Variants in HCAR1 observed in about 807,000 individuals in gnomAD.
HCAR1 encodes G protein-coupled receptor 104.
For missense variants in HCAR1, 445 were observed against 448.7 expected (o/e 0.99, Z 0.07); for synonymous variants, 183 against 182.1 (o/e 1.01, Z -0.04).
chr12:122,728,508 C>T lies in HCAR1; in HGVS notation c.*791G>A, dbSNP rs1001559176. The T allele has an allele frequency of 3.3e-5, 5 of 152,308 alleles. No individual in the cohort carries two copies. The highest frequency in any genetic ancestry group is 1.9e-4 in the East Asian group (1 of 5,178). The allele number at this position is 152,308 out of a possible 1,614,324, so 9.4% of individuals were successfully genotyped here. A position where few individuals can be genotyped will look rare whatever the true frequency, so the allele number is the denominator to read the frequency against. ...AGATCCCAATCTAAAGAGCCTCATT[C>T]GGCCTGAAATAAAGCATTGATTGAC... On this transcript the variant is annotated 3_prime_UTR_variant, in exon 1 of 1. Coordinates refer to ENST00000432564, the MANE Select transcript of HCAR1 (RefSeq NM_032554.4).
rs1877885882 is a variant in HCAR1, at chr12:122,729,688, C to T, written c.652G>A (p.Ala218Thr). The change falls in exon 1 of 1, where the codon GCG becomes ACG. Residue 218 changes from alanine to threonine, a missense_variant. Physicochemically the swap from Ala to Thr is moderately conservative, Grantham distance 58. Transcript: ENST00000432564. ...GCCACCACCATGATGAACCGGGTCG[C>T]CTTCTTCATCCGAGCCTGTCTGGCC... is the stretch of plus-strand genomic sequence containing the variant. Reference protein sequence around the residue: ...QLARQARMKKATRFIMVVAIV... With the variant: ...QLARQARMKKTTRFIMVVAIV... The T allele has an allele frequency of 1.2e-6, 2 of 1,613,840 alleles. No homozygotes were observed. Among genetic ancestry groups the T allele is most frequent in the Non-Finnish European group, 1.7e-6 (2 of 1,180,026 alleles).
chr12:122,729,903 C>T lies in HCAR1; in HGVS notation c.437G>A (p.Gly146Glu). ...VCTLWALVIL[G>E]TVYLLLENHL... ...GTTCTCCAGCAAAAGATACACTGTT[C>T]CCAGGATGACCAGGGCCCACAGGGT... The change falls in exon 1 of 1, where the codon GGA becomes GAA. Residue 146 changes from glycine to glutamate, a missense_variant. Coordinates refer to ENST00000432564, the MANE Select transcript of HCAR1 (RefSeq NM_032554.4). 6.2e-7 allele frequency: 1 copy of T among 1,612,364 alleles called. No individual in the cohort carries two copies. Among genetic ancestry groups the T allele is most frequent in the Non-Finnish European group, 8.5e-7 (1 of 1,178,822 alleles).
At position 122,729,077 on chromosome 12, in the gene HCAR1, A is replaced by C; in HGVS notation, c.*222T>G. 2 of 579,002 alleles carry C rather than the reference A, an allele frequency of 3.5e-6. No individual in the cohort carries two copies. Among genetic ancestry groups the C allele is most frequent in the South Asian group, 4.2e-5 (2 of 48,182 alleles). The allele number at this position is 579,002 out of a possible 1,614,324, so 35.9% of individuals were successfully genotyped here. ...CATTCTGTCCCCTGCCATTGTGATC[A>C]GATAAGAAAATGCAGCCAACTCACT... On this transcript the variant is annotated 3_prime_UTR_variant, in exon 1 of 1. Transcript: ENST00000432564.
In HCAR1 at chr12:122,729,258, A is replaced by T; in HGVS notation, c.*41T>A. On this transcript the variant is annotated 3_prime_UTR_variant, in exon 1 of 1. Transcript: ENST00000432564. ...GACCCCTTAGCACGAGTTAATTCTA[A>T]GTCACCACTCTATCTTCCTCAGTGT... 1 of 1,579,804 alleles carries T rather than the reference A, an allele frequency of 6.3e-7. No homozygotes were observed. Among genetic ancestry groups the T allele is most frequent in the East Asian group, 2.2e-5 (1 of 44,534 alleles).
rs1877914178 is a variant in HCAR1 at position 122,730,292 on chromosome 12, C to T, written c.48G>A (p.Gln16=). Residue 16 remains glutamine (Q), a synonymous_variant, in exon 1 of 1, where the codon CAG becomes CAA. Coordinates refer to ENST00000432564, the MANE Select transcript of HCAR1 (RefSeq NM_032554.4). ...CCACAATGAGCAGCGGCGGCATCAC[C>T]TGGGAGATGGTGTCCCCCTCGATGC... ...CCRIEGDTIS[Q]VMPPLLIVAF... is the part of the protein sequence containing the mutation. 6.2e-7 allele frequency: 1 copy of T among 1,601,756 alleles called. No individual in the cohort carries two copies. The highest frequency in any genetic ancestry group is 8.5e-7 in the Non-Finnish European group (1 of 1,172,196).
At position 122,726,286 on chromosome 12, in the gene HCAR1, AAC is replaced by A. The variant is rs1877789738; in HGVS notation, c.*3011_*3012del. ...AATTCAGGCATGATAACAGAGGAAC[AAC>A]TTAAGCGCTCTAAACCCCAAAGGAA... On this transcript the variant is annotated 3_prime_UTR_variant, in exon 1 of 1. Coordinates refer to ENST00000432564, the MANE Select transcript of HCAR1 (RefSeq NM_032554.4). The A allele has an allele frequency of 6.6e-6, 1 of 152,206 alleles. No individual in the cohort carries two copies. Among genetic ancestry groups the A allele is most frequent in the Non-Finnish European group, 1.5e-5 (1 of 68,042 alleles). The allele number at this position is 152,206 out of a possible 1,614,324, so 9.4% of individuals were successfully genotyped here. A position where few individuals can be genotyped will look rare whatever the true frequency, so the allele number is the denominator to read the frequency against.
rs1028769177 is a variant in HCAR1 at position 122,728,324 on chromosome 12, T to C, written c.*975A>G. 4.6e-5 allele frequency: 7 copies of C among 152,220 alleles called. No individual in the cohort carries two copies. The highest frequency in any genetic ancestry group is 1.7e-4 in the African/African-American group (7 of 41,468). The allele number at this position is 152,220 out of a possible 1,614,324, so 9.4% of individuals were successfully genotyped here. ...GGAAACAGATCCCTCAGCACCTTCTTTGAAATACAAAGATTTGAAGAAGGT... is the reference window on the plus strand; with the variant it reads ...GGAAACAGATCCCTCAGCACCTTCTCTGAAATACAAAGATTTGAAGAAGGT... On this transcript the variant is annotated 3_prime_UTR_variant, in exon 1 of 1. Coordinates refer to ENST00000432564, the MANE Select transcript of HCAR1 (RefSeq NM_032554.4).
chr12:122,729,776 G>C lies in HCAR1; in HGVS notation c.564C>G (p.Pro188=). Residue 188 remains proline, a synonymous_variant, in exon 1 of 1, where the codon CCC becomes CCG. Transcript: ENST00000432564. ...DIMFQLEFFM[P]LGIILFCSFK... The stretch of plus-strand genomic sequence containing the variant: ...AGGAGCAAAATAAGATGATGCCGAG[G>C]GGCATAAAGAACTCCAGCTGGAACA... 6.2e-7 allele frequency: 1 copy of C among 1,611,596 alleles called. No individual in the cohort carries two copies. The highest frequency in any genetic ancestry group is 2.2e-5 in the East Asian group (1 of 44,874).
chr12:122,729,875 A>G lies in HCAR1; in HGVS notation c.465T>C (p.His155=). Residue 155 remains histidine (H), a synonymous_variant, in exon 1 of 1, where the codon CAT becomes CAC. Coordinates refer to ENST00000432564, the MANE Select transcript of HCAR1 (RefSeq NM_032554.4). ...LGTVYLLLEN[H]LCVQETAVSC... is the part of the protein sequence containing the mutation. ...AGACGGCCGTCTCTTGCACGCAGAG[A>G]TGGTTCTCCAGCAAAAGATACACTG... is the stretch of plus-strand genomic sequence containing the variant. 6.2e-7 allele frequency: 1 copy of G among 1,611,352 alleles called. No individual in the cohort carries two copies. The highest frequency in any genetic ancestry group is 8.5e-7 in the Non-Finnish European group (1 of 1,178,218).
rs1449284184 is a variant in HCAR1, at chr12:122,728,892, G to A, written c.*407C>T. ...TGAGGCAGGAGAATTGCTTGAACCC[G>A]GGAGGCAGAGGTTGCAGTGAGCCGA... On this transcript the variant is annotated 3_prime_UTR_variant, in exon 1 of 1. Transcript: ENST00000432564. 2.9e-5 allele frequency: 5 copies of A among 169,812 alleles called. No individual in the cohort carries two copies. The highest frequency in any genetic ancestry group is 5.7e-5 in the Admixed American group (1 of 17,594). The allele number at this position is 169,812 out of a possible 1,614,324, so 10.5% of individuals were successfully genotyped here.
At position 122,730,547 on chromosome 12, in the gene HCAR1, T is replaced by C; in HGVS notation, c.-208A>G. On this transcript the variant is annotated 5_prime_UTR_variant, in exon 1 of 1. Transcript: ENST00000432564. ...GGAAATGAGAGACCCAGGGAGGTCCTTTCTCTGGAGCCCGTCTCACAAGCC... is the reference window on the plus strand; with the variant it reads ...GGAAATGAGAGACCCAGGGAGGTCCCTTCTCTGGAGCCCGTCTCACAAGCC... The C allele has an allele frequency of 2.2e-6, 1 of 446,464 alleles. No homozygotes were observed. The highest frequency in any genetic ancestry group is 4.1e-6 in the Non-Finnish European group (1 of 245,788). The allele number at this position is 446,464 out of a possible 1,614,324, so 27.7% of individuals were successfully genotyped here. A position where few individuals can be genotyped will look rare whatever the true frequency, so the allele number is the denominator to read the frequency against.
In HCAR1 at chr12:122,729,039, T is replaced by G. The variant is rs888283289; in HGVS notation, c.*260A>C. ...AGCCCCCCTCCCAACACACACATGC[T>G]CCACTCCATGCACATTCTGTCCCCT... is the stretch of plus-strand genomic sequence containing the variant. On this transcript the variant is annotated 3_prime_UTR_variant, in exon 1 of 1. Coordinates refer to ENST00000432564, the MANE Select transcript of HCAR1 (RefSeq NM_032554.4). The G allele has an allele frequency of 1.9e-5, 10 of 519,046 alleles. No individual in the cohort carries two copies. The highest frequency in any genetic ancestry group is 3.1e-5 in the Non-Finnish European group (9 of 287,650). 32.2% of individuals were successfully genotyped at this position (519,046 alleles called of 1,614,324 possible).
chr12:122,730,624 A>G lies in HCAR1; in HGVS notation c.-285T>C, dbSNP rs1593749460. On this transcript the variant is annotated 5_prime_UTR_variant, in exon 1 of 1. An upstream start codon of the reference 5' UTR is lost. Coordinates refer to ENST00000432564, the MANE Select transcript of HCAR1 (RefSeq NM_032554.4). ...GGAGCCGGATGAAGCTTGGAAATGC[A>G]TGCAATTTTGCAAAAGTGGTCATTT... is the stretch of plus-strand genomic sequence containing the variant. 5 of 364,062 alleles carry G rather than the reference A, an allele frequency of 1.4e-5. No individual in the cohort carries two copies. The highest frequency in any genetic ancestry group is 2.1e-5 in the Non-Finnish European group (4 of 194,262). The allele number at this position is 364,062 out of a possible 1,614,324, so 22.6% of individuals were successfully genotyped here. A position where few individuals can be genotyped will look rare whatever the true frequency, so the allele number is the denominator to read the frequency against.
In HCAR1 at chr12:122,727,441, T is replaced by A. The variant is rs563159702; in HGVS notation, c.*1858A>T. On this transcript the variant is annotated 3_prime_UTR_variant, in exon 1 of 1. Transcript: ENST00000432564. ...ATAGGGACAGCCTAGAGGGGTGTTT[T>A]GAGGCCAAAGAACTAGAAGTTGGCA... 6.6e-6 allele frequency: 1 copy of A among 152,000 alleles called. No homozygotes were observed. Among genetic ancestry groups the A allele is most frequent in the East Asian group, 1.9e-4 (1 of 5,186 alleles). 9.4% of individuals were successfully genotyped at this position (152,000 alleles called of 1,614,324 possible).
In HCAR1 at chr12:122,729,191, C is replaced by T. The variant is rs35245907; in HGVS notation, c.*108G>A. On this transcript the variant is annotated 3_prime_UTR_variant, in exon 1 of 1. Coordinates refer to ENST00000432564, the MANE Select transcript of HCAR1 (RefSeq NM_032554.4). ...AGGATGCAGTTCATGTGCGAGAAGC[C>T]GTCTTGCAATAAGAAAGGGGGGTGG... 2.4e-3 allele frequency: 2,186 copies of T among 923,362 alleles called. 36 individuals are homozygous for T. In the African/African-American group the frequency reaches 0.029, roughly 12 times the overall value. The allele number at this position is 923,362 out of a possible 1,614,324, so 57.2% of individuals were successfully genotyped here. A position where few individuals can be genotyped will look rare whatever the true frequency, so the allele number is the denominator to read the frequency against.
At position 122,730,540 on chromosome 12, in the gene HCAR1, G is replaced by A. The variant is rs554364656; in HGVS notation, c.-201C>T. On this transcript the variant is annotated 5_prime_UTR_variant, in exon 1 of 1. Coordinates refer to ENST00000432564, the MANE Select transcript of HCAR1 (RefSeq NM_032554.4). ...TCAGCCAGGAAATGAGAGACCCAGG[G>A]AGGTCCTTTCTCTGGAGCCCGTCTC... 2.0e-4 allele frequency: 90 copies of A among 459,566 alleles called. No homozygotes were observed. The highest frequency in any genetic ancestry group is 5.8e-4 in the Middle Eastern group (1 of 1,718). The allele number at this position is 459,566 out of a possible 1,614,324, so 28.5% of individuals were successfully genotyped here.
chr12:122,730,096 C>T lies in HCAR1; in HGVS notation c.244G>A (p.Ala82Thr), dbSNP rs1244652323. The T allele has an allele frequency of 6.2e-7, 1 of 1,614,134 alleles. No individual in the cohort carries two copies. The highest frequency in any genetic ancestry group is 1.1e-5 in the South Asian group (1 of 91,076). ...ACTCGGCAGGGAATGTCCCCAAAAG[C>T]CCAGTGTCTACGTCTGAGGTAATAG... ...TDYYLRRRHWAFGDIPCRVGL... is the reference protein window; with the variant it reads ...TDYYLRRRHWTFGDIPCRVGL... Residue 82 changes from alanine to threonine, a missense_variant, in exon 1 of 1, where the codon GCT (alanine) becomes ACT (threonine). By Grantham distance (58) the Ala-to-Thr change is moderately conservative (BLOSUM62 0). Coordinates refer to ENST00000432564, the MANE Select transcript of HCAR1 (RefSeq NM_032554.4).
rs1243494745 is a variant in HCAR1 at position 122,729,749 on chromosome 12, G to A, written c.591C>T (p.Phe197=). The change falls in exon 1 of 1, where the codon TTC becomes TTT. Residue 197 remains phenylalanine (F), a synonymous_variant. Transcript: ENST00000432564. The stretch of plus-strand genomic sequence containing the variant: ...TCCGCCTCAGGCTCCAAACAATCTT[G>A]AAGGAGCAAAATAAGATGATGCCGA... ...MPLGIILFCS[F]KIVWSLRRRQ... is the part of the protein sequence containing the mutation. 2 of 1,612,982 alleles carry A rather than the reference G, an allele frequency of 1.2e-6. No individual in the cohort carries two copies. The highest frequency in any genetic ancestry group is 1.1e-5 in the South Asian group (1 of 91,074).
In HCAR1 at chr12:122,729,533, C is replaced by A; in HGVS notation, c.807G>T (p.Met269Ile). The A allele has an allele frequency of 6.2e-7, 1 of 1,613,982 alleles. No homozygotes were observed. Among genetic ancestry groups the A allele is most frequent in the Non-Finnish European group, 8.5e-7 (1 of 1,179,998 alleles). ...ACACCAGGGGATCCAGCATGCTGTT[C>A]ATGTAGGTGAAGCTGAGGGTTATGT... Reference protein sequence around the residue: ...ALHITLSFTYMNSMLDPLVYY... With the variant: ...ALHITLSFTYINSMLDPLVYY... The change falls in exon 1 of 1, where the codon ATG (methionine) becomes ATT (isoleucine). Residue 269 changes from methionine to isoleucine, a missense_variant. By Grantham distance (10) the Met-to-Ile change is conservative. Transcript: ENST00000432564.
Sources: gnomAD v4.1 joint callset for allele counts on GRCh38, gnomAD v4.1.1 for gene constraint, MANE v1.5 for transcripts, NCBI Gene and HGNC (gene_info 2026-07-23, HGNC 2026-07-21) for gene names.